Variants in SCRG1 observed in about 807,000 individuals in gnomAD.
The protein encoded by SCRG1 is stimulator of chondrogenesis 1.
A neutral mutation model predicts 7.7 loss-of-function variants in SCRG1; 3 were observed. That is an observed-to-expected ratio of 0.39 (90% CI 0.18 to 1.01). SCRG1 has a LOEUF of 1.01. SCRG1 is among the 50% of genes least tolerant of loss of function. SCRG1 has a pLI of 0.36. For missense variants in SCRG1, 110 were observed against 117.2 expected (o/e 0.94, Z 0.28); for synonymous variants, 46 against 41.2 (o/e 1.12, Z -0.44).
the SCRG1 span, among the ~76,000 whole-genome samples, chr4:173,458,100 C>T: frequency 2.0e-5 from 3 of 152,100 alleles, no homozygotes; most frequent in Admixed American, 6.6e-5. Context: ...ACTCTAGATC[C>T]CTAACTGCCC....
the SCRG1 span, among the ~76,000 whole-genome samples, chr4:173,417,272 A>G: frequency 3.3e-5 from 5 of 152,210 alleles, no homozygotes; most frequent in African/African-American, 1.2e-4. Flanking sequence ...TTTACCCCAA[A>G]TTGAGGATCT....
chr4:173,472,201 A>T, the SCRG1 span, among the ~76,000 whole-genome samples: 1 of 152,242 alleles, frequency 6.6e-6, no homozygotes. Context: ...ATGGCCATGG[A>T]GTAAACTAAT....
chr4:173,492,331 A>G, the SCRG1 span, among the ~76,000 whole-genome samples: 1 of 152,156 alleles, frequency 6.6e-6, no homozygotes, highest in East Asian at 1.9e-4. Flanking sequence ...AGCCATCCAG[A>G]ATGTTTGTCC....
In SCRG1 at chr4:173,385,161, T is replaced by C. The variant is rs1249230488; in HGVS notation, c.*3180A>G. 1.3e-5 allele frequency: 2 copies of C among 152,194 alleles called. No individual in the cohort carries two copies. The highest frequency in any genetic ancestry group is 4.8e-5 in the African/African-American group (2 of 41,454). The allele number at this position is 152,194 out of a possible 1,614,324, so 9.4% of individuals were successfully genotyped here. ...GTTTAGAAGAATAATAAAATTTTAA[T>C]AAAAGCTTAGTTGTCTTATAACTAA... On this transcript the variant is annotated 3_prime_UTR_variant, in exon 3 of 3. Coordinates refer to ENST00000296506, the MANE Select transcript of SCRG1 (RefSeq NM_007281.4).
chr4:173,450,430 C>T, the SCRG1 span, among the ~76,000 whole-genome samples: 1 of 152,160 alleles, frequency 6.6e-6, no homozygotes, highest in Admixed American at 6.5e-5. Context: ...CGTTCCTGAG[C>T]CACTGCAAAT....
chr4:173,425,964 T>G, the SCRG1 span, among the ~76,000 whole-genome samples: 1 of 152,244 alleles, frequency 6.6e-6, no homozygotes, highest in Non-Finnish European at 1.5e-5. Context: ...CACTGCCACT[T>G]CTGTGCCATC....
At chr4:173,482,626 G>A in the SCRG1 span, among the ~76,000 whole-genome samples, 23 of 151,812 alleles carry the variant, frequency 1.5e-4, no homozygotes, top group Non-Finnish European at 2.8e-4. Context: ...GAGACCAGCC[G>A]TGGCAACAAA....
the SCRG1 span, among the ~76,000 whole-genome samples, chr4:173,487,468 T>C: frequency 2.2e-4 from 34 of 152,338 alleles, no homozygotes; most frequent in African/African-American, 8.2e-4. Flanking sequence ...AGACATGATT[T>C]GGGACATTAG....
chr4:173,402,655 C>T (rs1424290051), upstream of SCRG1, among the ~76,000 whole-genome samples: 1 of 152,130 alleles, frequency 6.6e-6, no homozygotes, highest in Non-Finnish European at 1.5e-5. Context: ...CATGCATTCA[C>T]CCTAATTTAG....
the SCRG1 span, among the ~76,000 whole-genome samples, chr4:173,436,039 T>C: frequency 1.3e-5 from 2 of 152,152 alleles, no homozygotes; most frequent in Non-Finnish European, 2.9e-5. Context: ...GATTTAACTA[T>C]ATTAAAATTC....
rs114569769 is a variant in SCRG1 at position 173,404,645 on chromosome 4, T to C, written c.-747-213A>G. Among the ~76,000 whole-genome samples the C allele has an allele frequency of 6.7e-3, 1,027 of 152,334 alleles. 6 individuals carry two copies. The highest frequency in any genetic ancestry group is 0.023 in the African/African-American group (950 of 41,574). ...TCATAATTATTTATTGTGTGTCTGC[T>C]GTGTACCATGAATGATATTGCAGTG... is the stretch of plus-strand genomic sequence containing the variant. On this transcript the variant is annotated intron_variant and NMD_transcript_variant, in intron 1 of 8. Coordinates refer to the SCRG1 transcript ENST00000512188.
At chr4:173,470,140 T>TTTTTC in the SCRG1 span, 1 of 65,580 alleles carries the variant, frequency 1.5e-5, no homozygotes, top group African/African-American at 4.8e-5. Context: ...TTTTTTTTTT[T>TTTTTC]TTGCATGGGT....
chr4:173,454,216 G>A, the SCRG1 span, among the ~76,000 whole-genome samples: 1 of 152,306 alleles, frequency 6.6e-6, no homozygotes, highest in African/African-American at 2.4e-5. Context: ...AGGCAATGCA[G>A]TTGAAAACCT....
the SCRG1 span, among the ~76,000 whole-genome samples, chr4:173,427,118 T>C: frequency 6.6e-6 from 1 of 152,214 alleles, no homozygotes; most frequent in Non-Finnish European, 1.5e-5. Flanking sequence ...GTTGAGTGAC[T>C]TTTCCAGTGA....
the SCRG1 span, among the ~76,000 whole-genome samples, chr4:173,509,328 C>T: frequency 6.6e-6 from 1 of 152,150 alleles, no homozygotes; most frequent in African/African-American, 2.4e-5. The surrounding 1 kb of genome is among the most constrained non-coding windows in gnomAD (Gnocchi z 5.7). Flanking sequence ...CTGAATAAAG[C>T]CCTCGCGCGC....
chr4:173,491,331 C>A, the SCRG1 span, among the ~76,000 whole-genome samples: 445 of 151,010 alleles, frequency 2.9e-3, 3 homozygotes, highest in African/African-American at 0.01. Flanking sequence ...TTCTCTGTAT[C>A]GTTGCTGACA....
At chr4:173,493,826 T>C in the SCRG1 span, among the ~76,000 whole-genome samples, 1 of 152,194 alleles carries the variant, frequency 6.6e-6, no homozygotes, top group African/African-American at 2.4e-5. Flanking sequence ...CAGCAGCACA[T>C]GTGGATGGCC....
At chr4:173,420,677 T>C in the SCRG1 span, among the ~76,000 whole-genome samples, 2 of 150,688 alleles carry the variant, frequency 1.3e-5, no homozygotes, top group South Asian at 4.2e-4. Context: ...TTCCCCTTCA[T>C]ATATGACCTA....
chr4:173,430,615 A>C, the SCRG1 span, among the ~76,000 whole-genome samples: 1 of 152,098 alleles, frequency 6.6e-6, no homozygotes, highest in East Asian at 1.9e-4. Context: ...ATACTGAAAC[A>C]TGTAGAGACA....
Sources: allele counts gnomAD v4.1 joint callset (sites outside exome capture counted in the v4.1 genomes callset), GRCh38; gene constraint gnomAD v4.1.1; non-coding constraint Gnocchi (gnomAD v3.1); transcripts MANE v1.5; gene names NCBI Gene and HGNC (gene_info 2026-07-23, HGNC 2026-07-21).